The following PCDHA1 variants were observed in gnomAD, a reference collection of about 807,000 sequenced individuals.
PCDHA1 encodes the protein protocadherin alpha-1.
In PCDHA1, 42 loss-of-function variants were observed where a neutral mutation model predicts 61.3. The ratio of observed to expected loss-of-function variants is 0.69; its 90% CI spans 0.54 to 0.89. PCDHA1 has a LOEUF of 0.89. Ranked by LOEUF, PCDHA1 falls within the 40% of genes least tolerant of loss-of-function variation. The pLI, the probability that PCDHA1 is intolerant of heterozygous loss-of-function variation, is 0.00. For missense variants in PCDHA1, 1,256 were observed against 1,235.3 expected, an observed-to-expected ratio of 1.02 and a Z score of -0.25; for synonymous variants, 610 against 553.8, an observed-to-expected ratio of 1.10 and a Z score of -1.43.
chr5:140,921,129 C>T (rs998046424), intron 1 of PCDHA1, among the ~76,000 whole-genome samples: 1 of 139,232 alleles, frequency 7.2e-6, no homozygotes, highest in South Asian at 2.4e-4. Context: ...TACAGGTGCA[C>T]ACCACTACAC....
At chr5:140,865,051 T>A (rs1228832316) in intron 1 of PCDHA1, 1 of 151,882 alleles carries the variant, frequency 6.6e-6, no homozygotes, top group Admixed American at 6.6e-5. Flanking sequence ...AATGTCATTG[T>A]TTTTAATAAC....
chr5:140,807,357 C>T (rs949440782), intron 1 of PCDHA1: 3 of 1,610,572 alleles, frequency 1.9e-6, no homozygotes, highest in Non-Finnish European at 2.5e-6. Flanking sequence ...CTGGAGCTGG[C>T]GGAGCTGGTG....
intron 1 of PCDHA1, among the ~76,000 whole-genome samples, chr5:140,948,351 A>C (rs951541212): frequency 6.6e-6 from 1 of 151,646 alleles, no homozygotes; most frequent in African/African-American, 2.4e-5. Flanking sequence ...TTCTAACCTA[A>C]TAAAATGACT....
chr5:141,000,387 CTCTCTCTCTATATATA>C (rs1282156924), intron 3 of PCDHA1, among the ~76,000 whole-genome samples: 8 of 66,888 alleles, frequency 1.2e-4, no homozygotes, highest in African/African-American at 4.0e-4. Flanking sequence ...CTCTCTCTCT[CTCTCTCTCTATATATA>C]TATATATATA....
chr5:140,919,601 A>G (rs1465882979), intron 1 of PCDHA1, among the ~76,000 whole-genome samples: 1 of 152,178 alleles, frequency 6.6e-6, no homozygotes, highest in Non-Finnish European at 1.5e-5. Context: ...TTTAAAATAA[A>G]TTTTAAACTG....
At chr5:140,805,006 C>A in intron 1 of PCDHA1, 1 of 1,539,008 alleles carries the variant, frequency 6.5e-7, no homozygotes, top group Non-Finnish European at 8.7e-7. Flanking sequence ...AAATTTAGTT[C>A]TGTTATCAGC....
In PCDHA1 at chr5:140,843,009, C is replaced by T. The variant is rs2150350021; in HGVS notation, c.2394+54325C>T. ...GTGCTGGACGAGAATGACAACGCGC[C>T]GGCACTGCTGGAGCCTCGGGTGGGT... On this transcript the variant is annotated intron_variant, in intron 1 of 3. Coordinates refer to ENST00000504120, the MANE Select transcript of PCDHA1 (RefSeq NM_018900.4). 32 of 1,595,058 alleles carry T rather than the reference C, an allele frequency of 2.0e-5. 4 individuals carry two copies. In the Middle Eastern group the frequency reaches 6.8e-4, roughly 34 times the overall value.
At chr5:140,811,558 C>A (rs1764905109) in intron 1 of PCDHA1, 1 of 152,206 alleles carries the variant, frequency 6.6e-6, no homozygotes, top group South Asian at 2.1e-4. Context: ...AGTTCCAGAT[C>A]CTTGAGGAAT....
chr5:140,959,449 A>G (rs2095488988), intron 1 of PCDHA1, among the ~76,000 whole-genome samples: 1 of 152,196 alleles, frequency 6.6e-6, no homozygotes, highest in South Asian at 2.1e-4. Context: ...TTTTGTGCTG[A>G]AAAGCTGAAG....
chr5:140,809,648 G>A (rs1764517800), intron 1 of PCDHA1: 1 of 1,499,082 alleles, frequency 6.7e-7, no homozygotes, highest in South Asian at 1.4e-5. Context: ...TTATTTCTAA[G>A]AGTCAAATTT....
At chr5:140,927,186 C>T in intron 1 of PCDHA1, 1 of 1,614,174 alleles carries the variant, frequency 6.2e-7, no homozygotes, top group East Asian at 2.2e-5. Context: ...TGACCTACGA[C>T]CTGGTGCTCG....
At chr5:140,992,153 T>C (rs191199905) in intron 3 of PCDHA1, among the ~76,000 whole-genome samples, 76 of 152,066 alleles carry the variant, frequency 5.0e-4, no homozygotes, top group African/African-American at 1.8e-3. Flanking sequence ...CTTTGCTCAA[T>C]CAAGAAGTGT....
At chr5:140,908,704 C>T (rs1241248582) in intron 1 of PCDHA1, among the ~76,000 whole-genome samples, 12 of 152,178 alleles carry the variant, frequency 7.9e-5, no homozygotes, top group African/African-American at 2.9e-4. Context: ...CCTCAAGCAC[C>T]ATTGGATCTG....
At chr5:140,921,868 T>C (rs1037750056) in intron 1 of PCDHA1, among the ~76,000 whole-genome samples, 1 of 152,016 alleles carries the variant, frequency 6.6e-6, no homozygotes, top group Non-Finnish European at 1.5e-5. Context: ...ATATATACAG[T>C]ATATATATAA....
chr5:140,817,668 A>G (rs1213130984), intron 1 of PCDHA1: 6 of 152,168 alleles, frequency 3.9e-5, no homozygotes, highest in African/African-American at 1.4e-4. Context: ...CCTTTCAATT[A>G]TTTATATGTT....
At chr5:140,821,180 A>G (rs1200131570) in intron 1 of PCDHA1, among the ~76,000 whole-genome samples, 1 of 152,186 alleles carries the variant, frequency 6.6e-6, no homozygotes, top group Non-Finnish European at 1.5e-5. Context: ...TCCATTGACT[A>G]ATACAGAAAA....
chr5:140,810,242 C>A (rs78416157), intron 1 of PCDHA1: 5 of 152,098 alleles, frequency 3.3e-5, no homozygotes, highest in Non-Finnish European at 7.3e-5. Flanking sequence ...TTCTACTGTT[C>A]AGGAATTTGC....
chr5:140,864,654 C>T (rs1554159035), intron 1 of PCDHA1: 1 of 152,246 alleles, frequency 6.6e-6, no homozygotes, highest in Non-Finnish European at 1.5e-5. Context: ...GTCAGCTCTA[C>T]TTAATTACCT....
At chr5:140,807,581 G>T (rs138189439) in intron 1 of PCDHA1, 90 of 1,614,060 alleles carry the variant, frequency 5.6e-5, no homozygotes, top group Non-Finnish European at 7.4e-5. Flanking sequence ...TAACCCGCCG[G>T]TGTTCCCAGC....
Sources: allele counts gnomAD v4.1 joint callset (sites outside exome capture counted in the v4.1 genomes callset), GRCh38; gene constraint gnomAD v4.1.1; transcripts MANE v1.5; gene names NCBI Gene and HGNC (gene_info 2026-07-23, HGNC 2026-07-21).